Variants in UBXN2B observed in about 807,000 individuals in gnomAD.
UBXN2B encodes the protein UBX domain-containing protein 2B.
Under a neutral mutation model 37.5 loss-of-function variants are expected in UBXN2B, and 19 were observed. That is an observed-to-expected ratio of 0.51 (90% CI 0.35 to 0.74). The LOEUF (loss-of-function observed/expected upper bound fraction) is 0.74, where lower values mean the gene tolerates loss of function less well. Among genes scored for constraint, UBXN2B ranks in the 30% least tolerant of loss-of-function variants. The pLI is 0.01. For synonymous variants in UBXN2B, 145 were observed against 143.8 expected (o/e 1.01, Z -0.06); for missense variants, 370 against 393.2 (o/e 0.94, Z 0.50).
chr8:58,416,983 G>T, intron 2 of UBXN2B, 30 bp downstream of exon 2: 1 of 1,533,394 alleles, frequency 6.5e-7, no homozygotes, highest in African/African-American at 1.4e-5. Context: ...GTTGTAAAAA[G>T]AAATTATAAT....
intron 2 of UBXN2B, chr8:58,426,169 A>T: frequency 2.6e-6 from 2 of 758,442 alleles, no homozygotes; most frequent in Non-Finnish European, 4.7e-6. Flanking sequence ...TCTCCCCTCC[A>T]CACAGATCAC....
intron 2 of UBXN2B, among the ~76,000 whole-genome samples, chr8:58,427,319 C>T (rs1320303261): frequency 2.0e-5 from 3 of 152,078 alleles, no homozygotes; most frequent in African/African-American, 7.2e-5. Context: ...AAAAAATAGC[C>T]AAGCGTGGTG....
At position 58,449,846 on chromosome 8, in the gene UBXN2B, T is replaced by G. The variant is rs1438534624; in HGVS notation, c.*2295T>G. On this transcript the variant is annotated 3_prime_UTR_variant, in exon 8 of 8. Transcript: ENST00000399598. Reference sequence around the variant, plus strand: ...GTTCTTCTTTTATATTCTCTAAAGCTTTCTGTTAAAAATGGTGGTGCTTCT... The same window carrying G: ...GTTCTTCTTTTATATTCTCTAAAGCGTTCTGTTAAAAATGGTGGTGCTTCT... 6.6e-6 allele frequency: 1 copy of G among 152,230 alleles called. No individual in the cohort carries two copies. The highest frequency in any genetic ancestry group is 1.9e-4 in the East Asian group (1 of 5,198). 9.4% of individuals were successfully genotyped at this position (152,230 alleles called of 1,614,324 possible).
chr8:58,415,413 G>A (rs1376862185), intron 1 of UBXN2B, among the ~76,000 whole-genome samples: 1 of 151,998 alleles, frequency 6.6e-6, no homozygotes, highest in African/African-American at 2.4e-5. Context: ...TCATCAGACT[G>A]TGTATGTGCA....
chr8:58,430,384 T>C (rs1236311961), intron 2 of UBXN2B, 135 bp from the exon 3 acceptor site: 1 of 569,338 alleles, frequency 1.8e-6, no homozygotes, highest in Non-Finnish European at 2.7e-6. Flanking sequence ...TTTTAAAAAT[T>C]AAATATTCTC....
At chr8:58,420,416 T>G (rs1484495140) in intron 2 of UBXN2B, among the ~76,000 whole-genome samples, 4 of 152,196 alleles carry the variant, frequency 2.6e-5, no homozygotes, top group African/African-American at 9.7e-5. Context: ...GTGAATCTCT[T>G]GAAACACTAA....
chr8:58,444,832 A>T (rs1019957999), intron 6 of UBXN2B, among the ~76,000 whole-genome samples: 3 of 152,356 alleles, frequency 2.0e-5, no homozygotes, highest in East Asian at 3.9e-4. Flanking sequence ...AGCTAAAGAA[A>T]GAGAAAGTGT....
chr8:58,441,348 C>CATATATATATATATCTATATATATAT (rs1808539354), intron 6 of UBXN2B, among the ~76,000 whole-genome samples: 1 of 104,660 alleles, frequency 9.6e-6, no homozygotes, highest in Admixed American at 8.5e-5. Flanking sequence ...TTGTGATCAA[C>CATATATATATATATCTATATATATAT]ATATATATAT....
intron 2 of UBXN2B, among the ~76,000 whole-genome samples, chr8:58,428,697 CCAAA>C (rs753787754): frequency 3.9e-5 from 6 of 152,062 alleles, no homozygotes; most frequent in African/African-American, 1.4e-4. Flanking sequence ...TATTTTTGCC[CCAAA>C]CATTCATGAA....
chr8:58,446,178 T>A (rs1808663075), intron 7 of UBXN2B, 110 bp downstream of exon 7: 1 of 1,198,750 alleles, frequency 8.3e-7, no homozygotes, highest in African/African-American at 1.6e-5. Context: ...TTCTTTAGGT[T>A]TACTTTTGAA....
intron 5 of UBXN2B, among the ~76,000 whole-genome samples, chr8:58,435,587 A>G (rs188572046): frequency 1.8e-4 from 28 of 152,342 alleles, no homozygotes; most frequent in Admixed American, 1.3e-3. Context: ...TGGCTAAGCG[A>G]AAACCAACAT....
chr8:58,425,199 G>T, intron 2 of UBXN2B: 2 of 953,956 alleles, frequency 2.1e-6, no homozygotes, highest in Non-Finnish European at 3.5e-6. Context: ...TGTGAGCGGT[G>T]CTTTCTCTGA....
chr8:58,424,821 C>T (rs185959883), intron 2 of UBXN2B: 41 of 1,439,370 alleles, frequency 2.8e-5, no homozygotes, highest in African/African-American at 8.4e-5. Context: ...AATGCTGGAC[C>T]GCCATATAGA....
chr8:58,447,106 C>T (rs1244471008), intron 7 of UBXN2B, among the ~76,000 whole-genome samples: 1 of 151,980 alleles, frequency 6.6e-6, no homozygotes, highest in East Asian at 1.9e-4. Context: ...GCTGGACCTG[C>T]ACTTTTAAAA....
chr8:58,434,369 A>ATTTT (rs3080297), intron 4 of UBXN2B, 26 bp from the exon 5 acceptor site: 30 of 307,052 alleles, frequency 9.8e-5, no homozygotes, highest in Middle Eastern at 1.2e-3. Context: ...ATATATATAT[A>ATTTT]TTTTTTTTTT....
At chr8:58,431,734 T>A (rs79833433) in intron 3 of UBXN2B, among the ~76,000 whole-genome samples, 126 of 152,346 alleles carry the variant, frequency 8.3e-4, no homozygotes, top group African/African-American at 3.0e-3. Context: ...GTATTGTCAC[T>A]ATTTTTAATT....
chr8:58,425,254 T>C, intron 2 of UBXN2B: 1 of 1,120,114 alleles, frequency 8.9e-7, no homozygotes, highest in Non-Finnish European at 1.4e-6. Context: ...AGCATACTCA[T>C]CAGGCCAGTA....
chr8:58,431,294 G>T (rs1358206007), intron 3 of UBXN2B, among the ~76,000 whole-genome samples: 1 of 152,212 alleles, frequency 6.6e-6, no homozygotes, highest in African/African-American at 2.4e-5. Context: ...CCAACATGGT[G>T]AAACTACAGT....
chr8:58,439,682 T>A lies in UBXN2B; in HGVS notation c.583T>A (p.Leu195Met). The part of the protein sequence containing the change: ...QRLVHGGQVN[L>M]DMEDHQDQEY... The stretch of plus-strand genomic sequence containing the variant: ...CCTTGTTCATGGTGGCCAAGTGAAT[T>A]TGGATATGGAGGATCATCAGGATCA... Residue 195 changes from leucine to methionine, a missense_variant, in exon 6 of 8, where the codon TTG (leucine) becomes ATG (methionine). Transcript: ENST00000399598. 6.2e-7 allele frequency: 1 copy of A among 1,612,270 alleles called. No individual in the cohort carries two copies.
Sources: gnomAD v4.1 joint callset for allele counts (sites outside exome capture counted in the v4.1 genomes callset) on GRCh38, gnomAD v4.1.1 for gene constraint, MANE v1.5 for transcripts, NCBI Gene and HGNC (gene_info 2026-07-23, HGNC 2026-07-21) for gene names.